RORA: variants seen among roughly 807,000 people sequenced by gnomAD.
RORA encodes the protein RAR related orphan receptor A, also known as nuclear receptor ROR-alpha.
Under a neutral mutation model 69.5 loss-of-function variants are expected in RORA, and 7 were observed. That is an observed-to-expected ratio of 0.10 (90% confidence interval 0.06 to 0.19). The LOEUF (loss-of-function observed/expected upper bound fraction) is 0.19, where lower values mean the gene tolerates loss of function less well. Ranked by LOEUF, RORA falls within the 10% of genes least tolerant of loss-of-function variation. The pLI, the probability that RORA is intolerant of heterozygous loss-of-function variation, is 1.00. For synonymous variants in RORA, 261 were observed against 240.8 expected (o/e 1.08, Z -0.78); for missense variants, 457 against 663.0 (o/e 0.69, Z 3.41).
At chr15:60,616,146 C>T (rs936097997) in intron 2 of RORA, among the ~76,000 whole-genome samples, 4 of 152,186 alleles carry the variant, frequency 2.6e-5, no homozygotes, top group Non-Finnish European at 4.4e-5. Context: ...TGTATGCATG[C>T]ACAAACTTAG....
intron 1 of RORA, among the ~76,000 whole-genome samples, chr15:61,114,211 A>C (rs2079031187): frequency 6.6e-6 from 1 of 152,062 alleles, no homozygotes; most frequent in Non-Finnish European, 1.5e-5. Context: ...TGCTTTGCCT[A>C]TCCAATGTCA....
chr15:60,750,659 A>C (rs1036346944), intron 1 of RORA, among the ~76,000 whole-genome samples: 11 of 152,226 alleles, frequency 7.2e-5, no homozygotes, highest in African/African-American at 2.7e-4. Context: ...GAGGAAAAAG[A>C]GCAAAAGAGG....
intron 1 of RORA, among the ~76,000 whole-genome samples, chr15:60,803,940 T>C (rs1311473442): frequency 1.3e-5 from 2 of 152,118 alleles, no homozygotes; most frequent in African/African-American, 4.8e-5. Flanking sequence ...TTTCACTGTC[T>C]CTCTCTTCCA....
intron 3 of RORA, 66 bp from the exon 4 acceptor site, chr15:60,514,823 G>T: frequency 1.5e-6 from 2 of 1,302,500 alleles, no homozygotes; most frequent in South Asian, 1.3e-5. Context: ...ACTAAAGGCA[G>T]GATGCTAAGC....
chr15:60,771,777 G>T (rs938520250), intron 1 of RORA, among the ~76,000 whole-genome samples: 3 of 152,220 alleles, frequency 2.0e-5, no homozygotes, highest in Non-Finnish European at 4.4e-5. Context: ...CAAGCCACTT[G>T]TTCTCTCTGT....
At position 60,916,377 on chromosome 15, in the gene RORA, A is replaced by G. The variant is rs75119628; in HGVS notation, c.167-237691T>C. Among the ~76,000 whole-genome samples the G allele has an allele frequency of 8.6e-3, 1,314 of 152,330 alleles. 15 individuals are homozygous for G. Among genetic ancestry groups the G allele is most frequent in the African/African-American group, 0.03 (1,249 of 41,568 alleles). ...CCCTGGTATTCTATGACAAACGTGCAGACAGTCTAAAACATCAGGACAACA... is the reference window on the plus strand; with the variant it reads ...CCCTGGTATTCTATGACAAACGTGCGGACAGTCTAAAACATCAGGACAACA... On this transcript the variant is annotated intron_variant, in intron 1 of 10. Coordinates refer to ENST00000335670, the MANE Select transcript of RORA (RefSeq NM_134261.3).
At chr15:60,637,427 A>G (rs2069861081) in intron 2 of RORA, among the ~76,000 whole-genome samples, 2 of 152,094 alleles carry the variant, frequency 1.3e-5, no homozygotes, top group African/African-American at 2.4e-5. Context: ...ACATACAAAA[A>G]TTTTATTTTT....
intron 1 of RORA, among the ~76,000 whole-genome samples, chr15:61,028,106 A>G (rs1895927948): frequency 6.6e-6 from 1 of 152,212 alleles, no homozygotes; most frequent in Non-Finnish European, 1.5e-5. Context: ...CACATCTGAC[A>G]GTAACCTGGA....
At chr15:60,585,913 C>G (rs1345767452) in intron 2 of RORA, among the ~76,000 whole-genome samples, 1 of 152,214 alleles carries the variant, frequency 6.6e-6, no homozygotes, top group African/African-American at 2.4e-5. Flanking sequence ...GACCTTCCCA[C>G]TAGCCTGATG....
chr15:60,638,204 C>G (rs2069874683), intron 2 of RORA, among the ~76,000 whole-genome samples: 1 of 152,000 alleles, frequency 6.6e-6, no homozygotes, highest in Non-Finnish European at 1.5e-5. Flanking sequence ...AGAAAATTGC[C>G]AGAAACTGTC....
intron 1 of RORA, among the ~76,000 whole-genome samples, chr15:60,871,432 A>C (rs1025444561): frequency 2.6e-5 from 4 of 152,208 alleles, no homozygotes; most frequent in Non-Finnish European, 5.9e-5. Context: ...TGACATCTAC[A>C]TGAGGTTTGA....
chr15:61,016,959 A>C (rs574160888), intron 1 of RORA, among the ~76,000 whole-genome samples: 24 of 152,202 alleles, frequency 1.6e-4, no homozygotes, highest in Non-Finnish European at 2.9e-4. Context: ...GAAATGAATG[A>C]ATATTTTTAT....
intron 1 of RORA, among the ~76,000 whole-genome samples, chr15:61,079,565 T>C (rs2078506926): frequency 6.6e-6 from 1 of 152,208 alleles, no homozygotes; most frequent in Admixed American, 6.5e-5. Context: ...ACCTACTCAG[T>C]TTCAGAGGAA....
At chr15:60,583,309 T>C (rs994209839) in intron 2 of RORA, among the ~76,000 whole-genome samples, 1 of 152,226 alleles carries the variant, frequency 6.6e-6, no homozygotes, top group Non-Finnish European at 1.5e-5. Flanking sequence ...AGAAAGGCCA[T>C]GTGCTAAACA....
intron 1 of RORA, among the ~76,000 whole-genome samples, chr15:61,056,596 C>T (rs2078100229): frequency 6.6e-6 from 1 of 152,236 alleles, no homozygotes; most frequent in East Asian, 1.9e-4. Context: ...ACCAGATGGA[C>T]CATCCTTCAA....
Position 60,806,897 on chromosome 15 carries a change from T to A in RORA, c.167-128211A>T, listed in dbSNP as rs137964135. ...GAGGCTCCTGTCTATTTAGAAAAAG[T>A]CATTCAATGTACCTTAAGGTAAGAA... On this transcript the variant is annotated intron_variant, in intron 1 of 10. Transcript: ENST00000335670. 4.9e-3 allele frequency among the ~76,000 whole-genome samples: 752 copies of A among 152,226 alleles called. 14 individuals are homozygous for A. Among genetic ancestry groups the A allele is most frequent in the Admixed American group, 0.035 (532 of 15,282 alleles).
At chr15:60,506,361 A>T (rs1374108176) in intron 5 of RORA, among the ~76,000 whole-genome samples, 3 of 152,212 alleles carry the variant, frequency 2.0e-5, no homozygotes, top group Middle Eastern at 3.2e-3. Flanking sequence ...TGTGCTACAG[A>T]ATATTAGTTA....
At chr15:60,966,088 G>C (rs966332812) in intron 1 of RORA, among the ~76,000 whole-genome samples, 1 of 152,162 alleles carries the variant, frequency 6.6e-6, no homozygotes, top group African/African-American at 2.4e-5. Flanking sequence ...GGTGAGGGAA[G>C]GGTCTGTTCT....
At chr15:60,817,664 G>A (rs181493064) in intron 1 of RORA, among the ~76,000 whole-genome samples, 19 of 152,238 alleles carry the variant, frequency 1.2e-4, no homozygotes, top group African/African-American at 3.9e-4. Flanking sequence ...CCTTTCTCCC[G>A]TGTCTTTACC....
Sources: gnomAD v4.1 joint callset for allele counts (sites outside exome capture counted in the v4.1 genomes callset) on GRCh38, gnomAD v4.1.1 for gene constraint, MANE v1.5 for transcripts, NCBI Gene and HGNC (gene_info 2026-07-23, HGNC 2026-07-21) for gene names.